The following DLG2 variants were observed in gnomAD, a reference collection of about 807,000 sequenced individuals.
DLG2 encodes the protein disks large homolog 2.
DLG2 carries 45 observed loss-of-function variants against 132.5 expected under a neutral mutation model. The ratio of observed to expected loss-of-function variants is 0.34; its 90% CI spans 0.27 to 0.44. The LOEUF (loss-of-function observed/expected upper bound fraction) is 0.44. Ranked by LOEUF, DLG2 falls within the 20% of genes least tolerant of loss-of-function variation. The pLI is 1.00. For missense variants in DLG2, 1,045 were observed against 1,196.9 expected, an observed-to-expected ratio of 0.87 and a Z score of 1.87; for synonymous variants, 424 against 419.6, an observed-to-expected ratio of 1.01 and a Z score of -0.13.
At chr11:83,875,925 C>T (rs1363099696) in intron 15 of DLG2, among the ~76,000 whole-genome samples, 4 of 152,122 alleles carry the variant, frequency 2.6e-5, no homozygotes, top group African/African-American at 9.7e-5. Context: ...CTGAAACCTA[C>T]AGAATCATAT....
In DLG2 at chr11:84,163,287, C is replaced by G. The variant is rs2095588516; in HGVS notation, c.624+174G>C. Among the ~76,000 whole-genome samples, 3 of 152,170 alleles carry G rather than the reference C, an allele frequency of 2.0e-5. No homozygotes were observed. In the South Asian group the frequency reaches 6.2e-4, roughly 32 times the overall value. On this transcript the variant is annotated intron_variant, in intron 9 of 27. Transcript: ENST00000376104. ...ACTAAACATTCAGTTATTTGGTCTGCTGTCTCAATGCTTTCTACTGTGAGC... is the reference window on the plus strand; with the variant it reads ...ACTAAACATTCAGTTATTTGGTCTGGTGTCTCAATGCTTTCTACTGTGAGC...
At chr11:84,292,738 G>A (rs1325655402) in intron 7 of DLG2, among the ~76,000 whole-genome samples, 5 of 152,078 alleles carry the variant, frequency 3.3e-5, no homozygotes, top group African/African-American at 1.2e-4. Context: ...TATCCAAAAG[G>A]TGGTACTTCT....
intron 17 of DLG2, among the ~76,000 whole-genome samples, chr11:83,814,409 G>T (rs368864543): frequency 6.6e-6 from 1 of 152,098 alleles, no homozygotes; most frequent in East Asian, 1.9e-4. Context: ...TCCCAAAACT[G>T]CTATTTCTCT....
At chr11:83,583,917 T>G (rs2097030453) in intron 19 of DLG2, among the ~76,000 whole-genome samples, 1 of 152,208 alleles carries the variant, frequency 6.6e-6, no homozygotes, top group Non-Finnish European at 1.5e-5. Context: ...AGCCCAAGAA[T>G]GACAGAATTT....
intron 3 of DLG2, among the ~76,000 whole-genome samples, chr11:85,390,363 A>G (rs528994214): frequency 6.6e-6 from 1 of 152,298 alleles, no homozygotes; most frequent in African/African-American, 2.4e-5. Flanking sequence ...AACATTTACT[A>G]CTAGACCTAA....
chr11:85,183,828 C>T (rs2079901578), intron 4 of DLG2, among the ~76,000 whole-genome samples: 2 of 151,910 alleles, frequency 1.3e-5, no homozygotes, highest in African/African-American at 2.4e-5. Flanking sequence ...CCGTTTCTTG[C>T]TTCTCACTCT....
chr11:84,292,792 ATAAATTAGATG>A (rs2098022625), intron 7 of DLG2, among the ~76,000 whole-genome samples: 1 of 152,270 alleles, frequency 6.6e-6, no homozygotes, highest in Non-Finnish European at 1.5e-5. Flanking sequence ...GGGAAGGGAG[ATAAATTAGATG>A]TAAAGGCAGG....
intron 6 of DLG2, among the ~76,000 whole-genome samples, chr11:84,841,016 A>G (rs992323728): frequency 2.0e-5 from 3 of 151,724 alleles, no homozygotes; most frequent in Non-Finnish European, 4.4e-5. Context: ...AGTAAAAAAA[A>G]AAATGGAAAC....
At chr11:84,351,527 TA>T (rs1384370831) in intron 7 of DLG2, among the ~76,000 whole-genome samples, 2 of 152,192 alleles carry the variant, frequency 1.3e-5, no homozygotes, top group African/African-American at 4.8e-5. Flanking sequence ...TCTTTTACCT[TA>T]AAAAATATTA....
rs777568219 is a variant in DLG2, at chr11:84,273,533, C to T, written c.520-22242G>A. On this transcript the variant is annotated intron_variant, in intron 7 of 27. Coordinates refer to ENST00000376104, the MANE Select transcript of DLG2 (RefSeq NM_001142699.3). ...CCATCAGTGCTCTCCTGTCTTCACACGGGTCTGGTGAAATGGCACATACCA... is the reference window on the plus strand; with the variant it reads ...CCATCAGTGCTCTCCTGTCTTCACATGGGTCTGGTGAAATGGCACATACCA... Among the ~76,000 whole-genome samples, 5 of 152,166 alleles carry T rather than the reference C, an allele frequency of 3.3e-5. No homozygotes were observed. In the East Asian group the frequency reaches 5.8e-4, roughly 18 times the overall value.
At chr11:84,502,124 TTCTC>T (rs200343107) in intron 7 of DLG2, among the ~76,000 whole-genome samples, 5 of 144,142 alleles carry the variant, frequency 3.5e-5, no homozygotes, top group South Asian at 2.4e-4. Flanking sequence ...CTTTCTCTCT[TTCTC>T]TCTTTCTCCT....
intron 6 of DLG2, among the ~76,000 whole-genome samples, chr11:85,012,018 CA>C (rs2059182949): frequency 1.3e-5 from 2 of 152,072 alleles, no homozygotes; most frequent in African/African-American, 4.8e-5. Context: ...GGTATATAAA[CA>C]GATCATTAAA....
chr11:83,796,912 A>G (rs923293634), intron 17 of DLG2, among the ~76,000 whole-genome samples: 2 of 152,188 alleles, frequency 1.3e-5, no homozygotes, highest in African/African-American at 2.4e-5. Flanking sequence ...GCTAGCACAA[A>G]AAAAGTCAGA....
intron 6 of DLG2, among the ~76,000 whole-genome samples, chr11:84,669,342 A>G (rs532665409): frequency 2.0e-5 from 3 of 152,300 alleles, no homozygotes; most frequent in Non-Finnish European, 4.4e-5. Context: ...GAAAACATTT[A>G]CCAGTCACAA....
intron 7 of DLG2, among the ~76,000 whole-genome samples, chr11:84,435,258 C>A (rs181253156): frequency 6.6e-6 from 1 of 151,772 alleles, no homozygotes; most frequent in Non-Finnish European, 1.5e-5. Context: ...CATACTGAAC[C>A]CTTAGAAAAA....
At chr11:84,436,948 A>G (rs1324889304) in intron 7 of DLG2, among the ~76,000 whole-genome samples, 1 of 152,182 alleles carries the variant, frequency 6.6e-6, no homozygotes, top group Non-Finnish European at 1.5e-5. Context: ...TAGGACACAC[A>G]CTGTAACACA....
At chr11:85,594,513 T>C (rs1324124934) in intron 3 of DLG2, among the ~76,000 whole-genome samples, 1 of 152,124 alleles carries the variant, frequency 6.6e-6, no homozygotes, top group Non-Finnish European at 1.5e-5. Flanking sequence ...TATAAGGCAA[T>C]AAGTTAGATA....
chr11:84,421,523 T>C (rs181388369), intron 7 of DLG2, among the ~76,000 whole-genome samples: 22 of 152,218 alleles, frequency 1.4e-4, no homozygotes, highest in African/African-American at 5.3e-4. Context: ...TCCTAAAGCG[T>C]CTCCTTGTCT....
intron 6 of DLG2, among the ~76,000 whole-genome samples, chr11:84,966,055 CAT>C (rs1302442799): frequency 4.0e-5 from 6 of 151,716 alleles, no homozygotes; most frequent in African/African-American, 1.2e-4. Context: ...GAATAAAGCA[CAT>C]GTTTGGTATT....
Sources: allele counts gnomAD v4.1 joint callset (sites outside exome capture counted in the v4.1 genomes callset), GRCh38; gene constraint gnomAD v4.1.1; transcripts MANE v1.5; gene names NCBI Gene and HGNC (gene_info 2026-07-23, HGNC 2026-07-21).